The following RAD51B variants were observed in gnomAD, a reference collection of about 807,000 sequenced individuals.
RAD51B encodes DNA repair protein RAD51 homolog 2.
RAD51B carries 38 observed loss-of-function variants against 42.2 expected under a neutral mutation model. That is an observed-to-expected ratio of 0.90 (90% CI 0.70 to 1.18). The LOEUF (loss-of-function observed/expected upper bound fraction) is 1.18, where lower values mean the gene tolerates loss of function less well. Ranked by LOEUF, RAD51B falls within the 50% of genes most tolerant of loss-of-function variation. The pLI is 0.00. For missense variants in RAD51B, 373 were observed against 400.7 expected, an observed-to-expected ratio of 0.93 and a Z score of 0.59; for synonymous variants, 154 against 145.2, an observed-to-expected ratio of 1.06 and a Z score of -0.43.
At chr14:68,220,861 G>A (rs757370208) in intron 7 of RAD51B, among the ~76,000 whole-genome samples, 13 of 152,158 alleles carry the variant, frequency 8.5e-5, no homozygotes, top group Non-Finnish European at 8.8e-5. Flanking sequence ...GGCCAGGCAT[G>A]GTGGCTCACA....
chr14:68,677,584 G>A (rs1164151117), intron 11 of RAD51B, among the ~76,000 whole-genome samples: 2 of 152,090 alleles, frequency 1.3e-5, no homozygotes, highest in African/African-American at 4.8e-5. Context: ...TCAACTCAGG[G>A]TATCTTGTGA....
rs117434507 is a variant in RAD51B at position 68,137,879 on chromosome 14, C to T, written c.757-154005C>T. Among the ~76,000 whole-genome samples the T allele has an allele frequency of 1.6e-4, 24 of 152,328 alleles. No individual in the cohort carries two copies. The East Asian group carries it at 4.0e-3, about 26-fold the overall frequency. ...GGAATGTGTATTCACAGATGAGGCG[C>T]TCCATTAGTCATGGTGCATTTCCTG... On this transcript the variant is annotated intron_variant, in intron 7 of 10. Coordinates refer to ENST00000471583, the MANE Select transcript of RAD51B (RefSeq NM_133510.4).
At chr14:67,859,994 G>C (rs1026423285) in intron 4 of RAD51B, among the ~76,000 whole-genome samples, 3 of 152,038 alleles carry the variant, frequency 2.0e-5, no homozygotes, top group African/African-American at 7.3e-5. Context: ...CTAATTTTTT[G>C]TATTTTTAGT....
chr14:68,222,268 A>G (rs1281614338), intron 7 of RAD51B, among the ~76,000 whole-genome samples: 10 of 152,334 alleles, frequency 6.6e-5, no homozygotes, highest in Non-Finnish European at 1.5e-5. Flanking sequence ...AAAATATGGA[A>G]CCAGCTAAAA....
chr14:68,058,325 G>GA (rs917456582), intron 7 of RAD51B, among the ~76,000 whole-genome samples: 2 of 152,122 alleles, frequency 1.3e-5, no homozygotes, highest in African/African-American at 4.8e-5. Flanking sequence ...TATAGATGGA[G>GA]AAAAAATTCA....
At chr14:68,481,288 A>G (rs534425038), downstream of RAD51B, among the ~76,000 whole-genome samples, 1 of 152,320 alleles carries the variant, frequency 6.6e-6, no homozygotes, top group East Asian at 1.9e-4. Context: ...CCACGAAAAA[A>G]AAAATGCTAC....
At chr14:68,413,213 G>A (rs1170051450) in intron 9 of RAD51B, among the ~76,000 whole-genome samples, 3 of 152,158 alleles carry the variant, frequency 2.0e-5, no homozygotes, top group Admixed American at 1.3e-4. Context: ...ACAGGAAGTA[G>A]CTGGTAGGAC....
chr14:68,030,906 C>G (rs1397648693), intron 7 of RAD51B, among the ~76,000 whole-genome samples: 8 of 152,098 alleles, frequency 5.3e-5, no homozygotes. Flanking sequence ...TGTTGTGTCT[C>G]AAGGAATAGG....
In RAD51B at chr14:68,258,579, A is replaced by T. The variant is rs1376002023; in HGVS notation, c.757-33305A>T. 3.9e-5 allele frequency among the ~76,000 whole-genome samples: 6 copies of T among 152,134 alleles called. No homozygotes were observed. The East Asian group carries it at 5.8e-4, about 15-fold the overall frequency. On this transcript the variant is annotated intron_variant, in intron 7 of 10. Coordinates refer to ENST00000471583, the MANE Select transcript of RAD51B (RefSeq NM_133510.4). ...TTGCGATGGTTTTTGTGTCTTAAAA[A>T]AACTTAAAGATGCTGGGTTCATGAC...
At chr14:68,409,692 G>T (rs1423196414) in intron 8 of RAD51B, among the ~76,000 whole-genome samples, 1 of 152,296 alleles carries the variant, frequency 6.6e-6, no homozygotes, top group East Asian at 1.9e-4. Flanking sequence ...GCTGAGAGAG[G>T]TGAAGCCAGA....
At chr14:68,569,898 C>A (rs1240285879) in intron 10 of RAD51B, among the ~76,000 whole-genome samples, 1 of 152,186 alleles carries the variant, frequency 6.6e-6, no homozygotes. Flanking sequence ...GGGAAGGGTC[C>A]CTTTTTGCGG....
At chr14:68,463,859 T>C (rs573486792) in intron 9 of RAD51B, among the ~76,000 whole-genome samples, 28 of 152,214 alleles carry the variant, frequency 1.8e-4, no homozygotes, top group Non-Finnish European at 3.5e-4. Context: ...CATGGTTTCC[T>C]GGGTGAGGAG....
chr14:68,590,231 G>A (rs1041627632), intron 10 of RAD51B, among the ~76,000 whole-genome samples: 3 of 152,234 alleles, frequency 2.0e-5, no homozygotes, highest in Non-Finnish European at 4.4e-5. Context: ...GTCTTGGGCT[G>A]ACTGATGGAG....
chr14:68,349,754 C>G (rs538353907), intron 8 of RAD51B, among the ~76,000 whole-genome samples: 2 of 152,272 alleles, frequency 1.3e-5, no homozygotes, highest in South Asian at 4.1e-4. Context: ...TTTTCCAAAG[C>G]CTTAAAGGCT....
rs149987385 is a variant in RAD51B, at chr14:68,639,157, C to T, written c.1037-11624C>T. ...AGCAAGGGGTCTGAGTTAGGTAAGG[C>T]GATGCTAGCTGCTGTAACAGACTCC... On this transcript the variant is annotated intron_variant, in intron 10 of 11. Coordinates refer to the RAD51B transcript ENST00000488612. 4.6e-3 allele frequency among the ~76,000 whole-genome samples: 707 copies of T among 152,168 alleles called. 7 individuals carry two copies. The highest frequency in any genetic ancestry group is 0.015 in the African/African-American group (641 of 41,492).
At chr14:68,110,232 A>G (rs1407497770) in intron 7 of RAD51B, among the ~76,000 whole-genome samples, 1 of 152,058 alleles carries the variant, frequency 6.6e-6, no homozygotes, top group East Asian at 1.9e-4. Context: ...GTGGCATTCA[A>G]GATCCTAGGG....
At chr14:67,824,800 C>T (rs763113104) in intron 2 of RAD51B, among the ~76,000 whole-genome samples, 4 of 151,836 alleles carry the variant, frequency 2.6e-5, no homozygotes, top group East Asian at 1.9e-4. Context: ...CTCTTTCGGC[C>T]GGGCACGGTG....
intron 4 of RAD51B, among the ~76,000 whole-genome samples, chr14:67,850,762 A>C (rs1029469981): frequency 2.6e-5 from 4 of 152,136 alleles, no homozygotes; most frequent in Admixed American, 2.6e-4. Flanking sequence ...GTGGCTAGGA[A>C]AAGCTCCCAG....
At chr14:67,982,691 T>C (rs1342111061) in intron 7 of RAD51B, among the ~76,000 whole-genome samples, 3 of 149,006 alleles carry the variant, frequency 2.0e-5, no homozygotes, top group Non-Finnish European at 4.4e-5. Context: ...ATTTTCCTTC[T>C]TTCACTTTCT....
Sources: allele counts gnomAD v4.1 joint callset (sites outside exome capture counted in the v4.1 genomes callset), GRCh38; gene constraint gnomAD v4.1.1; transcripts MANE v1.5; gene names NCBI Gene and HGNC (gene_info 2026-07-23, HGNC 2026-07-21).